L3MBTL4: variants seen among roughly 807,000 people sequenced by gnomAD.
L3MBTL4 encodes lethal(3)malignant brain tumor-like protein 4.
A neutral mutation model predicts 84.5 loss-of-function variants in L3MBTL4; 70 were observed. The ratio of observed to expected loss-of-function variants is 0.83; its 90% CI spans 0.68 to 1.01. The LOEUF is 1.01. L3MBTL4 is among the 50% of genes least tolerant of loss of function. L3MBTL4 has a pLI of 0.00. For missense variants in L3MBTL4, 715 were observed against 754.8 expected (o/e 0.95, Z 0.62); for synonymous variants, 274 against 259.8 (o/e 1.05, Z -0.52).
chr18:6,006,398 A>C (rs2054489933), intron 16 of L3MBTL4, among the ~76,000 whole-genome samples: 1 of 152,348 alleles, frequency 6.6e-6, no homozygotes, highest in East Asian at 1.9e-4. Flanking sequence ...ATATCATACA[A>C]AGCCAACAAA....
intron 13 of L3MBTL4, among the ~76,000 whole-genome samples, chr18:6,164,835 G>T (rs915133829): frequency 1.6e-4 from 24 of 152,320 alleles, no homozygotes; most frequent in Admixed American, 3.3e-4. Context: ...GACAGAGAAT[G>T]ACTTTGACAA....
At chr18:5,992,093 T>G (rs754626437) in intron 16 of L3MBTL4, among the ~76,000 whole-genome samples, 3 of 152,116 alleles carry the variant, frequency 2.0e-5, no homozygotes, top group Non-Finnish European at 4.4e-5. Context: ...TTTACCCTCA[T>G]GAACTCATGG....
At chr18:6,301,064 T>A (rs2146824666) in intron 4 of L3MBTL4, among the ~76,000 whole-genome samples, 2 of 152,270 alleles carry the variant, frequency 1.3e-5, no homozygotes, top group South Asian at 4.1e-4. Context: ...AAATCACAAA[T>A]TCTCAATATT....
chr18:6,009,430 A>T (rs2054633322), intron 16 of L3MBTL4, among the ~76,000 whole-genome samples: 1 of 152,174 alleles, frequency 6.6e-6, no homozygotes, highest in African/African-American at 2.4e-5. Flanking sequence ...AAGGCTCTCT[A>T]ACTCGACACA....
chr18:6,024,571 C>A (rs902408132), intron 16 of L3MBTL4, among the ~76,000 whole-genome samples: 1 of 152,228 alleles, frequency 6.6e-6, no homozygotes, highest in Non-Finnish European at 1.5e-5. Flanking sequence ...TACTTTCCCC[C>A]CTCAAGGTAC....
chr18:6,317,769 T>C (rs1599612929), intron 1 of L3MBTL4, among the ~76,000 whole-genome samples: 1 of 152,208 alleles, frequency 6.6e-6, no homozygotes, highest in East Asian at 1.9e-4. Context: ...GGAGACTCAC[T>C]GCAAAAAGGA....
chr18:5,958,129 AAAAG>A (rs1375793489), intron 18 of L3MBTL4, among the ~76,000 whole-genome samples: 1 of 43,786 alleles, frequency 2.3e-5, no homozygotes, highest in African/African-American at 9.9e-5. Context: ...AAGAAGAAGA[AAAAG>A]AAGAAGAAGA....
At chr18:6,008,080 G>C (rs1415042440) in intron 16 of L3MBTL4, among the ~76,000 whole-genome samples, 2 of 152,206 alleles carry the variant, frequency 1.3e-5, no homozygotes, top group Non-Finnish European at 2.9e-5. Flanking sequence ...TCTGTAAGAT[G>C]TGGTTTCTTT....
intron 1 of L3MBTL4, among the ~76,000 whole-genome samples, chr18:6,342,925 A>G (rs1014578411): frequency 6.6e-6 from 1 of 152,188 alleles, no homozygotes; most frequent in Non-Finnish European, 1.5e-5. Context: ...GAAGGAGAGC[A>G]GGAGTAGCTA....
intron 12 of L3MBTL4, among the ~76,000 whole-genome samples, chr18:6,197,150 C>A (rs2045436825): frequency 6.6e-6 from 1 of 152,106 alleles, no homozygotes; most frequent in Non-Finnish European, 1.5e-5. Flanking sequence ...GCAGGATGTG[C>A]AGGTTTATTA....
intron 1 of L3MBTL4, among the ~76,000 whole-genome samples, chr18:6,404,530 G>A (rs2055644530): frequency 6.6e-6 from 1 of 152,136 alleles, no homozygotes. Context: ...CTGTAGAAAA[G>A]TGCCATTCTA....
intron 10 of L3MBTL4, among the ~76,000 whole-genome samples, chr18:6,226,224 T>C (rs1287075110): frequency 6.6e-6 from 1 of 152,066 alleles, no homozygotes; most frequent in African/African-American, 2.4e-5. Flanking sequence ...CTGGCCAACA[T>C]GGCGAAACCC....
chr18:6,071,778 A>AAAGG (rs2057645171), intron 16 of L3MBTL4, among the ~76,000 whole-genome samples: 1 of 135,118 alleles, frequency 7.4e-6, no homozygotes, highest in Non-Finnish European at 1.6e-5. Context: ...AGAAAGAAAG[A>AAAGG]AAGAAAGAAA....
chr18:6,285,916 C>A (rs1467183441), intron 4 of L3MBTL4, among the ~76,000 whole-genome samples: 1 of 151,338 alleles, frequency 6.6e-6, no homozygotes, highest in Non-Finnish European at 1.5e-5. Context: ...ACTGCAACCT[C>A]CGCCTCCCGG....
intron 4 of L3MBTL4, among the ~76,000 whole-genome samples, chr18:6,298,884 A>C (rs1487823732): frequency 1.3e-5 from 2 of 152,124 alleles, no homozygotes; most frequent in Non-Finnish European, 2.9e-5. Flanking sequence ...AAAAAAAAAC[A>C]AAACAAAACA....
At chr18:6,318,717 G>A (rs1354954695) in intron 1 of L3MBTL4, among the ~76,000 whole-genome samples, 1 of 151,840 alleles carries the variant, frequency 6.6e-6, no homozygotes, top group Non-Finnish European at 1.5e-5. Context: ...GCACTAGACA[G>A]CTCATCGAGA....
chr18:6,179,546 C>A (rs1302562620), intron 12 of L3MBTL4, among the ~76,000 whole-genome samples: 1 of 152,180 alleles, frequency 6.6e-6, no homozygotes, highest in African/African-American at 2.4e-5. Flanking sequence ...TGCTGTGGGG[C>A]AAGAATGCTT....
At chr18:6,127,215 G>T (rs959333117) in intron 14 of L3MBTL4, among the ~76,000 whole-genome samples, 12 of 152,162 alleles carry the variant, frequency 7.9e-5, no homozygotes, top group Non-Finnish European at 1.6e-4. Flanking sequence ...TGCGGCCCAT[G>T]GGCTGCATGT....
chr18:5,978,729 G>A (rs1046400059), intron 16 of L3MBTL4, among the ~76,000 whole-genome samples: 5 of 152,164 alleles, frequency 3.3e-5, no homozygotes, highest in African/African-American at 7.2e-5. Flanking sequence ...GCCTGAGGAC[G>A]TGGTTTAATT....
Sources: allele counts gnomAD v4.1 joint callset (sites outside exome capture counted in the v4.1 genomes callset), GRCh38; gene constraint gnomAD v4.1.1; transcripts MANE v1.5; gene names NCBI Gene and HGNC (gene_info 2026-07-23, HGNC 2026-07-21).